Variants in ANKS1B observed in about 807,000 individuals in gnomAD.
ANKS1B encodes the protein ankyrin repeat and sterile alpha motif domain-containing protein 1B.
Under a neutral mutation model 148.3 loss-of-function variants are expected in ANKS1B, and 36 were observed. The ratio of observed to expected loss-of-function variants is 0.24; its 90% CI spans 0.19 to 0.32. The LOEUF (loss-of-function observed/expected upper bound fraction) is 0.32. Ranked by LOEUF, ANKS1B falls within the 10% of genes least tolerant of loss-of-function variation. The pLI, the probability that ANKS1B is intolerant of heterozygous loss-of-function variation, is 1.00. For missense variants in ANKS1B, 1,157 were observed against 1,542.6 expected, an observed-to-expected ratio of 0.75 and a Z score of 4.19; for synonymous variants, 542 against 560.8, an observed-to-expected ratio of 0.97 and a Z score of 0.47.
intron 12 of ANKS1B, among the ~76,000 whole-genome samples, chr12:99,251,508 T>C (rs1054649061): frequency 2.6e-5 from 4 of 152,212 alleles, no homozygotes; most frequent in African/African-American, 7.2e-5. Flanking sequence ...TTTACACTTC[T>C]CTTTTGATAA....
At chr12:99,190,641 T>C (rs1442542425) in intron 14 of ANKS1B, among the ~76,000 whole-genome samples, 1 of 152,172 alleles carries the variant, frequency 6.6e-6, no homozygotes, top group Non-Finnish European at 1.5e-5. Context: ...GCTAGCCATA[T>C]GCAGAAAACT....
intron 15 of ANKS1B, among the ~76,000 whole-genome samples, chr12:99,117,878 T>C (rs1233175626): frequency 6.6e-6 from 1 of 152,214 alleles, no homozygotes; most frequent in Non-Finnish European, 1.5e-5. Flanking sequence ...TTTCAGAAAT[T>C]GTTATTGGTC....
chr12:99,511,451 G>C (rs2096765231), intron 9 of ANKS1B, among the ~76,000 whole-genome samples: 1 of 151,986 alleles, frequency 6.6e-6, no homozygotes. Context: ...CATGCTCACA[G>C]ATAGGAAGAA....
chr12:99,429,258 T>C (rs534256749), intron 11 of ANKS1B, among the ~76,000 whole-genome samples: 73 of 152,256 alleles, frequency 4.8e-4, no homozygotes, highest in Non-Finnish European at 6.9e-4. Flanking sequence ...GAAAAATCAT[T>C]ATCACAAATC....
intron 12 of ANKS1B, among the ~76,000 whole-genome samples, chr12:99,260,221 A>G (rs772404436): frequency 5.3e-5 from 8 of 152,248 alleles, no homozygotes; most frequent in Non-Finnish European, 8.8e-5. Flanking sequence ...ACAAAAAAAG[A>G]TCTACGATCT....
At chr12:99,886,611 G>A (rs939364586) in intron 1 of ANKS1B, among the ~76,000 whole-genome samples, 1 of 151,992 alleles carries the variant, frequency 6.6e-6, no homozygotes, top group Non-Finnish European at 1.5e-5. Flanking sequence ...TCCATCAAAA[G>A]ATAACAAATA....
intron 10 of ANKS1B, among the ~76,000 whole-genome samples, chr12:99,455,185 C>T (rs890979021): frequency 6.6e-6 from 1 of 152,138 alleles, no homozygotes; most frequent in African/African-American, 2.4e-5. Context: ...ATTATGTAAA[C>T]ACCCAACCTG....
At chr12:99,778,451 T>C (rs2153630005) in intron 6 of ANKS1B, among the ~76,000 whole-genome samples, 1 of 145,356 alleles carries the variant, frequency 6.9e-6, no homozygotes, top group Admixed American at 7.2e-5. Context: ...GAGGCTGCAG[T>C]GAGCCAAGAT....
intron 17 of ANKS1B, among the ~76,000 whole-genome samples, chr12:98,839,832 T>C (rs887175376): frequency 3.9e-5 from 6 of 152,212 alleles, no homozygotes; most frequent in African/African-American, 7.2e-5. Context: ...TTGGATTACA[T>C]AGACCTTTCT....
chr12:99,058,643 C>CCA (rs1159807766), intron 16 of ANKS1B, among the ~76,000 whole-genome samples: 8 of 151,504 alleles, frequency 5.3e-5, no homozygotes, highest in Non-Finnish European at 1.2e-4. Context: ...TAATATACCT[C>CCA]CACATCTTCG....
intron 9 of ANKS1B, among the ~76,000 whole-genome samples, chr12:99,653,299 T>C (rs2098434115): frequency 6.6e-6 from 1 of 152,188 alleles, no homozygotes. Context: ...ATATAGTAAA[T>C]ACCCTGATTA....
chr12:99,350,122 A>G (rs10777969), intron 12 of ANKS1B, among the ~76,000 whole-genome samples: 71,171 of 151,680 alleles, frequency 0.47, 18,887 homozygotes, highest in African/African-American at 0.72. Flanking sequence ...TCATGATAGT[A>G]AGTGAGTTAT....
chr12:99,302,842 C>G (rs2081851531), intron 12 of ANKS1B, among the ~76,000 whole-genome samples: 2 of 152,128 alleles, frequency 1.3e-5, no homozygotes, highest in South Asian at 4.1e-4. Context: ...ATCAATAAAA[C>G]ACATTCTACA....
At chr12:99,398,362 C>T (rs1391257611) in intron 12 of ANKS1B, among the ~76,000 whole-genome samples, 2 of 152,204 alleles carry the variant, frequency 1.3e-5, no homozygotes, top group East Asian at 1.9e-4. Flanking sequence ...TATGAACATA[C>T]ATATATACAC....
At chr12:98,817,612 T>G (rs2099152029) in intron 19 of ANKS1B, among the ~76,000 whole-genome samples, 1 of 152,238 alleles carries the variant, frequency 6.6e-6, no homozygotes, top group African/African-American at 2.4e-5. Context: ...CTGTAACAAC[T>G]GCATGGGATT....
chr12:99,026,435 C>T (rs976035712), intron 17 of ANKS1B, among the ~76,000 whole-genome samples: 22 of 152,070 alleles, frequency 1.4e-4, no homozygotes, highest in Non-Finnish European at 3.1e-4. Flanking sequence ...TAGGGACAGA[C>T]GACCTTATCT....
intron 9 of ANKS1B, among the ~76,000 whole-genome samples, chr12:99,631,493 T>C (rs902314515): frequency 6.6e-6 from 1 of 151,978 alleles, no homozygotes; most frequent in African/African-American, 2.4e-5. Flanking sequence ...TCCTTAGAGA[T>C]TGGTTAAGTA....
At chr12:99,667,352 AAAAAAG>A (rs2098513911) in intron 8 of ANKS1B, among the ~76,000 whole-genome samples, 7 of 150,532 alleles carry the variant, frequency 4.7e-5, no homozygotes, top group African/African-American at 1.7e-4. Flanking sequence ...CTGTCTCAAA[AAAAAAG>A]AAAAGAAAAG....
chr12:98,796,886 G>A (rs1423638611), intron 22 of ANKS1B, among the ~76,000 whole-genome samples: 1 of 152,164 alleles, frequency 6.6e-6, no homozygotes, highest in African/African-American at 2.4e-5. Flanking sequence ...CTATCAGGAT[G>A]TAATTTCAGA....
Sources: allele counts gnomAD v4.1 joint callset (sites outside exome capture counted in the v4.1 genomes callset), GRCh38; gene constraint gnomAD v4.1.1; transcripts MANE v1.5; gene names NCBI Gene and HGNC (gene_info 2026-07-23, HGNC 2026-07-21).